LMAN1L: variants seen among roughly 807,000 people sequenced by gnomAD.
LMAN1L encodes protein ERGIC-53-like.
In LMAN1L, 60 loss-of-function variants were observed where a neutral mutation model predicts 58.3. The observed-to-expected ratio is 1.03, with a 90% confidence interval of 0.84 to 1.27. LMAN1L has a LOEUF of 1.27. Ranked by LOEUF, LMAN1L falls within the 50% of genes most tolerant of loss-of-function variation. The pLI is 0.00. For synonymous variants in LMAN1L, 280 were observed against 271.6 expected, an observed-to-expected ratio of 1.03 and a Z score of -0.31; for missense variants, 629 against 674.0, an observed-to-expected ratio of 0.93 and a Z score of 0.74.
intron 11 of LMAN1L, among the ~76,000 whole-genome samples, chr15:74,823,259 A>G (rs546078353): frequency 5.3e-5 from 8 of 152,228 alleles, no homozygotes; most frequent in Admixed American, 5.2e-4. Context: ...TTGGGGGTGG[A>G]GAGGCACCTA....
At chr15:74,815,291 G>T (rs942652346) in intron 1 of LMAN1L, among the ~76,000 whole-genome samples, 6 of 152,188 alleles carry the variant, frequency 3.9e-5, no homozygotes, top group Non-Finnish European at 8.8e-5. Flanking sequence ...GAGCAAACAG[G>T]CTGGATTAGC....
chr15:74,813,811 G>A (rs78777488), intron 1 of LMAN1L, among the ~76,000 whole-genome samples: 2,942 of 152,262 alleles, frequency 0.019, 103 homozygotes, highest in African/African-American at 0.067. Context: ...AAGCAGATCG[G>A]CTGTGGATTT....
Position 74,825,604 on chromosome 15 carries a change from GACCC to G in LMAN1L, c.*3_*6del, listed in dbSNP as rs754742514. The G allele has an allele frequency of 8.9e-5, 144 of 1,609,734 alleles. No homozygotes were observed. The highest frequency in any genetic ancestry group is 1.1e-4 in the Non-Finnish European group (135 of 1,177,668). On this transcript the variant is annotated stop_retained_variant and 3_prime_UTR_variant, in exon 14 of 14. Coordinates refer to ENST00000309664, the MANE Select transcript of LMAN1L (RefSeq NM_021819.3). ...CCTCTCCCTGCCAGCATGCCTGCCT[GACCC>G]ACCTCAGAGCCTGCTTTGCATCACT...
At chr15:74,820,567 G>GA (rs1348631457) in intron 7 of LMAN1L, 68 bp from the exon 8 acceptor site, 3 of 1,595,272 alleles carry the variant, frequency 1.9e-6, no homozygotes, top group Non-Finnish European at 2.6e-6. Context: ...GGAAGCCTGT[G>GA]GGAAGGCTCC....
intron 11 of LMAN1L, 113 bp downstream of exon 11, chr15:74,822,822 T>C: frequency 1.3e-6 from 1 of 746,072 alleles, no homozygotes; most frequent in Non-Finnish European, 2.3e-6. Flanking sequence ...AGCCTGTCAA[T>C]TGGAAGGGCT....
intron 1 of LMAN1L, among the ~76,000 whole-genome samples, chr15:74,814,646 T>C (rs2063882812): frequency 6.6e-6 from 1 of 152,096 alleles, no homozygotes; most frequent in Non-Finnish European, 1.5e-5. Flanking sequence ...GTGCTGGGAT[T>C]ACAGGCGAGC....
chr15:74,820,203 G>A (rs1044377713), intron 7 of LMAN1L, 104 bp downstream of exon 7: 9 of 1,060,842 alleles, frequency 8.5e-6, no homozygotes, highest in Non-Finnish European at 1.2e-5. Flanking sequence ...ACCTCCACCT[G>A]GCCTCTGAGC....
Position 74,813,029 on chromosome 15 carries a change from G to T in LMAN1L, c.175G>T (p.Asp59Tyr). Residue 59 changes from aspartate to tyrosine, a missense_variant and splice_region_variant, in exon 1 of 14, where the codon GAC becomes TAC. By Grantham distance (160) the Asp-to-Tyr change is radical. Transcript: ENST00000309664. ...AGIPFWSHHG[D>Y]AILGLEEVRL... ...AATACCCTTCTGGAGCCATCATGGAGGTGAGGGGCAGGGGTGGGGACCAGC... is the reference window on the plus strand; with the variant it reads ...AATACCCTTCTGGAGCCATCATGGATGTGAGGGGCAGGGGTGGGGACCAGC... 6.2e-7 allele frequency: 1 copy of T among 1,611,316 alleles called. No individual in the cohort carries two copies. Among genetic ancestry groups the T allele is most frequent in the Non-Finnish European group, 8.5e-7 (1 of 1,178,606 alleles).
chr15:74,822,485 G>A (rs1213042924), intron 10 of LMAN1L, among the ~76,000 whole-genome samples, 157 bp from the exon 11 acceptor site: 1 of 152,200 alleles, frequency 6.6e-6, no homozygotes, highest in Non-Finnish European at 1.5e-5. Context: ...ATGCCCTTAT[G>A]GATGAGGTCA....
intron 13 of LMAN1L, 98 bp downstream of exon 13, chr15:74,824,576 G>C: frequency 1.4e-6 from 2 of 1,411,950 alleles, no homozygotes; most frequent in South Asian, 2.5e-5. Context: ...TCAGCTCAGA[G>C]GGGACCTGCC....
Position 74,818,748 on chromosome 15 carries a change from T to A in LMAN1L, c.528T>A (p.Cys176Ter). The change falls in exon 5 of 14, where the codon TGT (cysteine) becomes TGA (stop). Residue 176 changes from cysteine (C) to a stop codon, truncating the protein, a stop_gained. Coordinates refer to ENST00000309664, the MANE Select transcript of LMAN1L (RefSeq NM_021819.3). LOFTEE classifies it high-confidence loss of function. ...GDGASQGLGS[C>*]HWDFRNRPHP... ...GAGCTAGCCAAGGGCTGGGCTCCTG[T>A]CATTGGGACTTCCGGAACCGGCCAC... 6.2e-7 allele frequency: 1 copy of A among 1,611,454 alleles called. No homozygotes were observed.
intron 13 of LMAN1L, 142 bp from the exon 14 acceptor site, chr15:74,825,334 G>C (rs147777806): frequency 1.2e-6 from 1 of 852,934 alleles, no homozygotes; most frequent in Non-Finnish European, 1.8e-6. Flanking sequence ...CATATGCAGC[G>C]GGCCAAAGGA....
chr15:74,817,612 C>T (rs12594158), intron 4 of LMAN1L, among the ~76,000 whole-genome samples: 9,755 of 152,268 alleles, frequency 0.064, 639 homozygotes, highest in South Asian at 0.36. Context: ...CCTTGGCTGC[C>T]GGGACATGTC....
At chr15:74,818,338 G>C (rs2063901437) in intron 4 of LMAN1L, among the ~76,000 whole-genome samples, 1 of 152,194 alleles carries the variant, frequency 6.6e-6, no homozygotes, top group African/African-American at 2.4e-5. Flanking sequence ...TCTGGGCAGA[G>C]TGGCTTCTGG....
chr15:74,824,626 C>T (rs2063932887), intron 13 of LMAN1L, 148 bp downstream of exon 13: 2 of 919,662 alleles, frequency 2.2e-6, no homozygotes, highest in Non-Finnish European at 3.3e-6. Context: ...GGGATAGGGC[C>T]CATTCTCTCA....
At position 74,825,659 on chromosome 15, in the gene LMAN1L, G is replaced by A; in HGVS notation, c.*54G>A. 1.3e-6 allele frequency: 2 copies of A among 1,574,264 alleles called. No homozygotes were observed. Among genetic ancestry groups the A allele is most frequent in the Non-Finnish European group, 1.7e-6 (2 of 1,155,798 alleles). The stretch of plus-strand genomic sequence containing the variant: ...GGGAAGCAGGCAGTGTCTTGGGTGG[G>A]GGCTTGGTCAGTATCCTCTCCGTCT... On this transcript the variant is annotated 3_prime_UTR_variant, in exon 14 of 14. Transcript: ENST00000309664.
In LMAN1L at chr15:74,816,996, C is replaced by T. The variant is rs114286395; in HGVS notation, c.497+306C>T. 2.2e-3 allele frequency among the ~76,000 whole-genome samples: 337 copies of T among 152,302 alleles called. 3 individuals are homozygous for T. The highest frequency in any genetic ancestry group is 7.8e-3 in the African/African-American group (326 of 41,552). On this transcript the variant is annotated intron_variant, in intron 4 of 13. Transcript: ENST00000309664. ...TATTCGTCCCATTTACAGGTCAGGA[C>T]ATTGAGCCCAGAGAGGGGAAGGGAT...
rs2063921763 is a variant in LMAN1L, at chr15:74,822,539, G to T, written c.1132-103G>T. The T allele has an allele frequency of 4.6e-6, 4 of 863,368 alleles. No homozygotes were observed. In the African/African-American group the frequency reaches 5.0e-5, roughly 11 times the overall value. The allele number at this position is 863,368 out of a possible 1,614,324, so 53.5% of individuals were successfully genotyped here. A position where few individuals can be genotyped will look rare whatever the true frequency, so the allele number is the denominator to read the frequency against. ...AAATAAGGAGGCCCTGGTAATCTGG[G>T]AAGGCCTCTGGAAGGAAGAGGCTGC... On this transcript the variant is annotated intron_variant, in intron 10 of 13. Coordinates refer to ENST00000309664, the MANE Select transcript of LMAN1L (RefSeq NM_021819.3).
In LMAN1L at chr15:74,820,710, G is replaced by T. The variant is rs772108670; in HGVS notation, c.850G>T (p.Gly284Cys). The T allele has an allele frequency of 6.2e-7, 1 of 1,613,884 alleles. No homozygotes were observed. The highest frequency in any genetic ancestry group is 1.1e-5 in the South Asian group (1 of 91,082). Reference protein sequence around the residue: ...RQLEGLWARLGLGTREDVTPK... With the variant: ...RQLEGLWARLCLGTREDVTPK... ...GCTGGAAGGGCTGTGGGCAAGGCTG[G>T]GCTTGGGCACCAGGGAGGATGTAAC... The change falls in exon 8 of 14, where the codon GGC (glycine) becomes TGC (cysteine). Residue 284 changes from glycine (G) to cysteine (C), a missense_variant. By Grantham distance (159) the Gly-to-Cys change is radical. Transcript: ENST00000309664.
Sources: gnomAD v4.1 joint callset for allele counts (sites outside exome capture counted in the v4.1 genomes callset) on GRCh38, gnomAD v4.1.1 for gene constraint, MANE v1.5 for transcripts, NCBI Gene and HGNC (gene_info 2026-07-23, HGNC 2026-07-21) for gene names.